The following RAI1 variants were observed in gnomAD, a reference collection of about 807,000 sequenced individuals.
RAI1 encodes the protein retinoic acid induced 1.
A neutral mutation model predicts 123.8 loss-of-function variants in RAI1; 9 were observed. That is an observed-to-expected ratio of 0.07 (90% confidence interval 0.04 to 0.13). The LOEUF (loss-of-function observed/expected upper bound fraction) is 0.13, where lower values mean the gene tolerates loss of function less well. Among genes scored for constraint, RAI1 ranks in the 10% least tolerant of loss-of-function variants. The probability of loss-of-function intolerance (pLI) is 1.00; values close to 1 mark genes in which losing one functional copy is unlikely to be tolerated. For missense variants in RAI1, 2,256 were observed against 2,545.8 expected (o/e 0.89, Z 2.45); for synonymous variants, 1,231 against 1,127.3 (o/e 1.09, Z -1.84).
At chr17:17,745,554 C>G (rs146419787) in intron 2 of RAI1, among the ~76,000 whole-genome samples, 1 of 151,970 alleles carries the variant, frequency 6.6e-6, no homozygotes, top group Non-Finnish European at 1.5e-5. Flanking sequence ...CGTGCCACCA[C>G]GCCTGGCTAT....
intron 2 of RAI1, among the ~76,000 whole-genome samples, chr17:17,757,117 G>C (rs2030469577): frequency 6.6e-6 from 1 of 152,116 alleles, no homozygotes; most frequent in Non-Finnish European, 1.5e-5. Context: ...CTTGGAGCGG[G>C]GTCCAGGGAG....
At chr17:17,807,201 G>A (rs956044443) in intron 4 of RAI1, among the ~76,000 whole-genome samples, 12 of 150,662 alleles carry the variant, frequency 8.0e-5, no homozygotes, top group Non-Finnish European at 1.5e-4. Context: ...GAGGACGGGC[G>A]CTTGGGGTGC....
At position 17,797,028 on chromosome 17, in the gene RAI1, C is replaced by T. The variant is rs966191053; in HGVS notation, c.4080C>T (p.Ser1360=). ...GASPGNPLSP[S]LSDKDRGLKG... is the part of the protein sequence containing the mutation. Reference sequence around the variant, plus strand: ...CTCCTGGTAATCCTCTGAGCCCATCCCTTTCCGACAAAGACCGTGGGCTCA... The same window carrying T: ...CTCCTGGTAATCCTCTGAGCCCATCTCTTTCCGACAAAGACCGTGGGCTCA... Residue 1360 remains serine (S), a synonymous_variant, in exon 3 of 6, where the codon TCC becomes TCT. Transcript: ENST00000353383. 3.1e-6 allele frequency: 5 copies of T among 1,613,916 alleles called. No individual in the cohort carries two copies. Among genetic ancestry groups the T allele is most frequent in the Non-Finnish European group, 4.2e-6 (5 of 1,180,042 alleles).
chr17:17,803,666 AT>A (rs2032533313), intron 3 of RAI1, 89 bp from the exon 4 acceptor site: 1 of 1,223,482 alleles, frequency 8.2e-7, no homozygotes. Flanking sequence ...GATTACAGGC[AT>A]GAGCCACTGC....
chr17:17,715,668 C>A (rs977340179), intron 1 of RAI1, among the ~76,000 whole-genome samples: 1 of 152,204 alleles, frequency 6.6e-6, no homozygotes, highest in South Asian at 2.1e-4. Flanking sequence ...CGCTCCTGAC[C>A]TTCCAGCAGT....
chr17:17,713,257 C>A (rs1402504684), intron 1 of RAI1, among the ~76,000 whole-genome samples: 1 of 152,042 alleles, frequency 6.6e-6, no homozygotes, highest in African/African-American at 2.4e-5. Flanking sequence ...CTGTGGTCCC[C>A]ACTGCTTGGG....
chr17:17,793,699 C>T lies in RAI1; in HGVS notation c.751C>T (p.Leu251=), dbSNP rs765999818. The T allele has an allele frequency of 2.5e-6, 4 of 1,613,132 alleles. No homozygotes were observed. The highest frequency in any genetic ancestry group is 3.4e-6 in the Non-Finnish European group (4 of 1,180,040). ...APTAQPHDRP[L]TASSSLAPGQ... is the part of the protein sequence containing the mutation. The stretch of plus-strand genomic sequence containing the variant: ...GACTGCCCAGCCCCATGACAGGCCG[C>T]TGACTGCCAGCTCCAGCCTGGCCCC... The change falls in exon 3 of 6, where the codon CTG becomes TTG. Residue 251 remains leucine, a synonymous_variant. Coordinates refer to ENST00000353383, the MANE Select transcript of RAI1 (RefSeq NM_030665.4).
At position 17,685,911 on chromosome 17, in the gene RAI1, G is replaced by A. The variant is rs542871509; in HGVS notation, c.-149+4118G>A. Among the ~76,000 whole-genome samples the A allele has an allele frequency of 7.2e-5, 11 of 152,264 alleles. No individual in the cohort carries two copies. Among genetic ancestry groups the A allele is most frequent in the African/African-American group, 2.4e-4 (10 of 41,552 alleles). On this transcript the variant is annotated intron_variant, in intron 1 of 5. Transcript: ENST00000353383. This position sits in a 1 kb window ranked among gnomAD's most constrained non-coding sequence, Gnocchi z 4.0. Reference sequence around the variant, plus strand: ...CGGGCTGGGCTGTTCCTTCCACCTGGGATGCCCCTCACCTTCCTCCCTGCC... The same window carrying A: ...CGGGCTGGGCTGTTCCTTCCACCTGAGATGCCCCTCACCTTCCTCCCTGCC...
intron 1 of RAI1, among the ~76,000 whole-genome samples, chr17:17,706,065 G>A (rs1323664663): frequency 7.0e-6 from 1 of 142,376 alleles, no homozygotes; most frequent in East Asian, 2.2e-4. Context: ...AAAACCAAAC[G>A]CCACTTGACC....
At chr17:17,730,514 T>G (rs1916235481) in intron 2 of RAI1, among the ~76,000 whole-genome samples, 1 of 152,228 alleles carries the variant, frequency 6.6e-6, no homozygotes, top group African/African-American at 2.4e-5. Context: ...CAGGATTAGA[T>G]GTTGACATGA....
intron 4 of RAI1, 94 bp downstream of exon 4, chr17:17,803,943 A>G: frequency 3.4e-6 from 4 of 1,190,482 alleles, no homozygotes; most frequent in Non-Finnish European, 5.0e-6. Context: ...CCCAGGCCCC[A>G]TCTCACTCTT....
rs566279356 is a variant in RAI1, at chr17:17,742,882, C to T, written c.-17+18723C>T. Among the ~76,000 whole-genome samples, 12 of 152,318 alleles carry T rather than the reference C, an allele frequency of 7.9e-5. No homozygotes were observed. The South Asian group carries it at 2.5e-3, about 32-fold the overall frequency. ...CAGACCTCCCTGGGCTGCAGAGTGTCCCTTCCTGCTCTCCAACCTGGGAAC... is the reference window on the plus strand; with the variant it reads ...CAGACCTCCCTGGGCTGCAGAGTGTTCCTTCCTGCTCTCCAACCTGGGAAC... On this transcript the variant is annotated intron_variant, in intron 2 of 5. Transcript: ENST00000353383.
Position 17,793,139 on chromosome 17 carries a change from G to C in RAI1, c.191G>C (p.Gly64Ala). 6.2e-7 allele frequency: 1 copy of C among 1,613,802 alleles called. No homozygotes were observed. The highest frequency in any genetic ancestry group is 8.5e-7 in the Non-Finnish European group (1 of 1,180,008). The change falls in exon 3 of 6, where the codon GGC becomes GCC. Residue 64 changes from glycine (G) to alanine (A), a missense_variant. Around this residue, in one of 7 missense-constraint regions of RAI1, gnomAD observed 336 missense variants for 349.8 expected, o/e 0.96. Transcript: ENST00000353383. ...QPYPSYEGGA[G>A]TPSGTAAAVA... ...TACCCGAGCTATGAGGGTGGCGCTG[G>C]CACGCCCTCTGGCACTGCAGCCGCG...
rs1191100959 is a variant in RAI1, at chr17:17,799,104, TG to T, written c.5565+593del. Among the ~76,000 whole-genome samples the T allele has an allele frequency of 3.3e-5, 5 of 152,164 alleles. No homozygotes were observed. Among genetic ancestry groups the T allele is most frequent in the African/African-American group, 1.2e-4 (5 of 41,438 alleles). ...GGGCAGATCCAGACCCTCTCACCATTGGCTCTGAGACCAGCTTTGGAAGCCA... is the reference window on the plus strand; with the variant it reads ...GGGCAGATCCAGACCCTCTCACCATTGCTCTGAGACCAGCTTTGGAAGCCA... On this transcript the variant is annotated intron_variant, in intron 3 of 5. Coordinates refer to ENST00000353383, the MANE Select transcript of RAI1 (RefSeq NM_030665.4). This position sits in a 1 kb window ranked among gnomAD's most constrained non-coding sequence, Gnocchi z 4.5.
At chr17:17,779,239 T>A (rs986435880) in intron 2 of RAI1, 2 of 316,956 alleles carry the variant, frequency 6.3e-6, no homozygotes, top group African/African-American at 4.3e-5. Context: ...TGGCTGGCTC[T>A]CCCCGAAGGT....
At chr17:17,729,945 A>G (rs1916215666) in intron 2 of RAI1, among the ~76,000 whole-genome samples, 1 of 152,136 alleles carries the variant, frequency 6.6e-6, no homozygotes, top group Non-Finnish European at 1.5e-5. Context: ...GGTCCTAGTG[A>G]GATTTGCTGA....
At chr17:17,703,985 G>T (rs372654566) in intron 1 of RAI1, among the ~76,000 whole-genome samples, 1 of 152,180 alleles carries the variant, frequency 6.6e-6, no homozygotes, top group Admixed American at 6.5e-5. Flanking sequence ...GGGACTGACC[G>T]TGGGAGCAGT....
chr17:17,803,942 C>T (rs1180979451), intron 4 of RAI1, 93 bp downstream of exon 4: 1 of 1,192,774 alleles, frequency 8.4e-7, no homozygotes, highest in South Asian at 1.2e-5. Context: ...ACCCAGGCCC[C>T]ATCTCACTCT....
chr17:17,804,382 C>T (rs1476253818), intron 4 of RAI1, among the ~76,000 whole-genome samples: 3 of 152,154 alleles, frequency 2.0e-5, no homozygotes, highest in African/African-American at 4.8e-5. Context: ...ATCCTCTCCC[C>T]GGTCCTTCCT....
Sources: gnomAD v4.1 joint callset for allele counts (sites outside exome capture counted in the v4.1 genomes callset) on GRCh38, gnomAD v4.1.1 for gene constraint, gnomAD v4.1.1 regional missense constraint, Gnocchi (gnomAD v3.1) non-coding constraint, MANE v1.5 for transcripts, NCBI Gene and HGNC (gene_info 2026-07-23, HGNC 2026-07-21) for gene names.